Variants in SASH1 observed in about 807,000 individuals in gnomAD.
The protein encoded by SASH1 is SAM and SH3 domain containing 1, also known as SAM and SH3 domain-containing protein 1.
In SASH1, 44 loss-of-function variants were observed where a neutral mutation model predicts 125.2. The observed-to-expected ratio is 0.35, with a 90% CI of 0.28 to 0.45. The LOEUF (loss-of-function observed/expected upper bound fraction) is 0.45, where lower values mean the gene tolerates loss of function less well. SASH1 is among the 20% of genes least tolerant of loss of function. SASH1 has a pLI of 1.00. For synonymous variants in SASH1, 639 were observed against 649.1 expected, an observed-to-expected ratio of 0.98 and a Z score of 0.24; for missense variants, 1,426 against 1,614.5, an observed-to-expected ratio of 0.88 and a Z score of 2.00.
chr6:148,302,660 T>TGTACAC (rs1386913785), intron 1 of SASH1, among the ~76,000 whole-genome samples: 1 of 56,768 alleles, frequency 1.8e-5, no homozygotes, highest in Non-Finnish European at 3.6e-5. Context: ...TGTGTATATA[T>TGTACAC]ATACACACAC....
the SASH1 span, among the ~76,000 whole-genome samples, chr6:148,194,667 G>A: frequency 6.6e-6 from 1 of 152,174 alleles, no homozygotes; most frequent in Non-Finnish European, 1.5e-5. Flanking sequence ...CAGCACTTTG[G>A]GAGGCCAAGG....
At chr6:148,534,729 G>A in intron 15 of SASH1, 22 bp from the exon 16 acceptor site, 3 of 1,614,022 alleles carry the variant, frequency 1.9e-6, no homozygotes, top group Admixed American at 3.3e-5. Flanking sequence ...ACACCCTTCT[G>A]TCTTCCTTCT....
At chr6:148,201,887 C>T in the SASH1 span, among the ~76,000 whole-genome samples, 1 of 152,114 alleles carries the variant, frequency 6.6e-6, no homozygotes, top group Non-Finnish European at 1.5e-5. Context: ...GGATTGTGTA[C>T]TTGTGGCCCT....
chr6:148,296,286 C>A (rs1160122949), intron 1 of SASH1, among the ~76,000 whole-genome samples: 1 of 151,918 alleles, frequency 6.6e-6, no homozygotes, highest in Non-Finnish European at 1.5e-5. Flanking sequence ...CCACCATGCC[C>A]AGCTAATTTT....
intron 2 of SASH1, among the ~76,000 whole-genome samples, chr6:148,431,293 G>C (rs370528925): frequency 2.0e-5 from 3 of 152,070 alleles, no homozygotes; most frequent in Non-Finnish European, 4.4e-5. Context: ...CCTCCTCCCG[G>C]GTTCAAGCCA....
chr6:148,407,069 A>G (rs958608566), intron 2 of SASH1, among the ~76,000 whole-genome samples: 3 of 152,246 alleles, frequency 2.0e-5, no homozygotes, highest in African/African-American at 7.2e-5. Flanking sequence ...TTATTTTAAA[A>G]AATTATAGTA....
chr6:148,381,419 T>A (rs1474190307), intron 1 of SASH1, among the ~76,000 whole-genome samples: 1 of 152,018 alleles, frequency 6.6e-6, no homozygotes, highest in East Asian at 1.9e-4. Flanking sequence ...CAGATGACAT[T>A]TCCCCAAGGG....
chr6:148,443,165 AATG>A lies in SASH1; in HGVS notation c.386+2759_386+2761del, dbSNP rs1562413980. Among the ~76,000 whole-genome samples, 3 of 131,006 alleles carry A rather than the reference AATG, an allele frequency of 2.3e-5. No individual in the cohort carries two copies. The South Asian group carries it at 7.6e-4, about 33-fold the overall frequency. 85.9% of individuals were successfully genotyped at this position (131,006 alleles called of 152,430 possible). On this transcript the variant is annotated intron_variant, in intron 4 of 19. Transcript: ENST00000367467. ...TTAGAAAAAAAAAAAAAAAAAAAAA[AATG>A]GCTCACGGCATGTTGGTGTCACGTC...
At chr6:148,370,540 C>G (rs183704542) in intron 1 of SASH1, among the ~76,000 whole-genome samples, 1 of 152,156 alleles carries the variant, frequency 6.6e-6, no homozygotes, top group African/African-American at 2.4e-5. Flanking sequence ...ATATTCTGAC[C>G]TGGCCAGGTG....
chr6:148,516,637 A>ACTT lies in SASH1; in HGVS notation c.862+2182_862+2184dup, dbSNP rs139233709. Among the ~76,000 whole-genome samples, 1,343 of 151,774 alleles carry ACTT rather than the reference A, an allele frequency of 8.8e-3. 21 individuals are homozygous for ACTT. Among genetic ancestry groups the ACTT allele is most frequent in the African/African-American group, 0.029 (1,190 of 41,368 alleles). On this transcript the variant is annotated intron_variant, in intron 9 of 19. Transcript: ENST00000367467. ...CCGTGTGCCAGGCACTTTCCTTAACACTTTAGATTTTATATTCTCTTTAAT... is the reference window on the plus strand; with the variant it reads ...CCGTGTGCCAGGCACTTTCCTTAACACTTCTTTAGATTTTATATTCTCTTTAAT...
chr6:148,235,780 T>C, the SASH1 span, among the ~76,000 whole-genome samples: 2 of 152,212 alleles, frequency 1.3e-5, no homozygotes, highest in Non-Finnish European at 2.9e-5. Flanking sequence ...CAAGAACTCC[T>C]ACTCTTCCAC....
intron 2 of SASH1, among the ~76,000 whole-genome samples, chr6:148,436,013 C>T (rs1292747065): frequency 6.6e-6 from 1 of 152,130 alleles, no homozygotes; most frequent in Admixed American, 6.5e-5. Context: ...GGTTGCACCC[C>T]ATTCCTCATT....
rs56887136 is a variant in SASH1, at chr6:148,515,632, C to T, written c.862+1176C>T. On this transcript the variant is annotated intron_variant, in intron 9 of 19. Transcript: ENST00000367467. Reference sequence around the variant, plus strand: ...GGGGTTTCATTAGGGTATCTTTTTGCGTGGTAATTCTGTTTACATTTGGAT... The same window carrying T: ...GGGGTTTCATTAGGGTATCTTTTTGTGTGGTAATTCTGTTTACATTTGGAT... 7.9e-3 allele frequency among the ~76,000 whole-genome samples: 1,200 copies of T among 152,112 alleles called. 19 individuals are homozygous for T. Among genetic ancestry groups the T allele is most frequent in the African/African-American group, 0.028 (1,154 of 41,478 alleles).
intron 4 of SASH1, among the ~76,000 whole-genome samples, chr6:148,462,859 C>T (rs114805572): frequency 0.019 from 2,863 of 152,196 alleles, 108 homozygotes; most frequent in African/African-American, 0.065. Context: ...GAGTCAGAGA[C>T]GTGGCCACCA....
At chr6:148,527,937 C>G (rs1231059703) in intron 12 of SASH1, among the ~76,000 whole-genome samples, 1 of 147,426 alleles carries the variant, frequency 6.8e-6, no homozygotes, top group Non-Finnish European at 1.5e-5. Flanking sequence ...CTAAACTATG[C>G]CTTGCTACAA....
chr6:148,321,698 G>A (rs985621658), intron 1 of SASH1, among the ~76,000 whole-genome samples: 1 of 152,176 alleles, frequency 6.6e-6, no homozygotes, highest in African/African-American at 2.4e-5. Context: ...CCAATGCTTA[G>A]CACAAAATAG....
intron 1 of SASH1, among the ~76,000 whole-genome samples, chr6:148,359,975 G>A (rs973611627): frequency 1.3e-5 from 2 of 152,172 alleles, no homozygotes; most frequent in African/African-American, 4.8e-5. Context: ...AGCCAGGATG[G>A]TCTTGATCTC....
At chr6:148,204,709 AC>A in the SASH1 span, among the ~76,000 whole-genome samples, 12 of 151,064 alleles carry the variant, frequency 7.9e-5, 1 homozygote, top group South Asian at 6.2e-4. Flanking sequence ...AAAAATACAA[AC>A]AAAAAAAACT....
chr6:148,307,477 G>A (rs371879614), intron 1 of SASH1, among the ~76,000 whole-genome samples: 10 of 152,174 alleles, frequency 6.6e-5, no homozygotes, highest in African/African-American at 1.2e-4. Context: ...AGAGCTTACA[G>A]TATAATGAGG....
Sources: allele counts gnomAD v4.1 joint callset (sites outside exome capture counted in the v4.1 genomes callset), GRCh38; gene constraint gnomAD v4.1.1; transcripts MANE v1.5; gene names NCBI Gene and HGNC (gene_info 2026-07-23, HGNC 2026-07-21).